The following ZNF536 variants were observed in gnomAD, a reference collection of about 807,000 sequenced individuals.
ZNF536 encodes zinc finger protein 536.
A neutral mutation model predicts 84.5 loss-of-function variants in ZNF536; 13 were observed. The observed-to-expected ratio is 0.15, with a 90% confidence interval of 0.10 to 0.24. The LOEUF (loss-of-function observed/expected upper bound fraction) is 0.24. Among genes scored for constraint, ZNF536 ranks in the 10% least tolerant of loss-of-function variants. The pLI is 1.00. For synonymous variants in ZNF536, 811 were observed against 742.5 expected, an observed-to-expected ratio of 1.09 and a Z score of -1.50; for missense variants, 1,536 against 1,747.5, an observed-to-expected ratio of 0.88 and a Z score of 2.16.
At chr19:30,332,321 C>A (rs2047237948) in intron 2 of ZNF536, among the ~76,000 whole-genome samples, 1 of 152,194 alleles carries the variant, frequency 6.6e-6, no homozygotes, top group South Asian at 2.1e-4. Flanking sequence ...TCCCAGAGAT[C>A]CTCACCTCTG....
At chr19:30,502,470 T>C (rs1313096885) in intron 2 of ZNF536, among the ~76,000 whole-genome samples, 3 of 152,056 alleles carry the variant, frequency 2.0e-5, no homozygotes, top group Non-Finnish European at 4.4e-5. Context: ...TCGAACTGTG[T>C]ATGTCCAGGA....
At chr19:30,394,376 G>T (rs992339590) in intron 1 of ZNF536, among the ~76,000 whole-genome samples, 1 of 152,000 alleles carries the variant, frequency 6.6e-6, no homozygotes, top group Non-Finnish European at 1.5e-5. Context: ...TGCATGTGTG[G>T]GTATGTAATT....
chr19:30,251,330 T>G (rs1456616431), intron 1 of ZNF536, among the ~76,000 whole-genome samples: 1 of 152,204 alleles, frequency 6.6e-6, no homozygotes, highest in East Asian at 1.9e-4. Context: ...GAACCTGAGA[T>G]GCACTCTCAA....
At chr19:30,691,981 C>G (rs1056571595) in intron 1 of ZNF536, among the ~76,000 whole-genome samples, 2 of 152,202 alleles carry the variant, frequency 1.3e-5, no homozygotes, top group Non-Finnish European at 2.9e-5. Flanking sequence ...CTCCAGAGAC[C>G]GGGGGTCTTT....
chr19:30,225,688 G>C (rs1334107922), upstream of ZNF536, among the ~76,000 whole-genome samples: 2 of 77,610 alleles, frequency 2.6e-5, no homozygotes, highest in Admixed American at 1.2e-4. Context: ...AAACAAAGGT[G>C]GGGGGGGGAT....
At chr19:30,325,874 G>A (rs2047006322) in intron 2 of ZNF536, among the ~76,000 whole-genome samples, 1 of 152,192 alleles carries the variant, frequency 6.6e-6, no homozygotes, top group South Asian at 2.1e-4. Context: ...CCTCCATGTG[G>A]CTGTGGGGGT....
At chr19:30,457,869 C>A (rs2052928623) in intron 2 of ZNF536, among the ~76,000 whole-genome samples, 1 of 152,188 alleles carries the variant, frequency 6.6e-6, no homozygotes, top group African/African-American at 2.4e-5. Context: ...GCTGCACCCC[C>A]AGTATGTCAG....
chr19:30,667,010 C>G lies in ZNF536; in HGVS notation c.170-43747C>G, dbSNP rs550289844. Reference sequence around the variant, plus strand: ...GGGAAGGTGCTGAGTATCGCCTGACCCTTGGGGCAGCTGTTCTCAGGCCTA... The same window carrying G: ...GGGAAGGTGCTGAGTATCGCCTGACGCTTGGGGCAGCTGTTCTCAGGCCTA... On this transcript the variant is annotated intron_variant, in intron 1 of 1. Transcript: ENST00000592773. Among the ~76,000 whole-genome samples, 5 of 152,138 alleles carry G rather than the reference C, an allele frequency of 3.3e-5. No homozygotes were observed. The South Asian group carries it at 1.0e-3, about 32-fold the overall frequency.
At chr19:30,653,635 G>C (rs963579093) in intron 1 of ZNF536, among the ~76,000 whole-genome samples, 2 of 152,072 alleles carry the variant, frequency 1.3e-5, no homozygotes, top group Non-Finnish European at 2.9e-5. Context: ...GAGGATGGAA[G>C]AGAGGTGGGA....
At chr19:30,447,992 T>C (rs149060590) in intron 2 of ZNF536, among the ~76,000 whole-genome samples, 34 of 152,338 alleles carry the variant, frequency 2.2e-4, no homozygotes, top group African/African-American at 7.2e-4. Context: ...CTCTGTTGCT[T>C]GCCTATCTCT....
chr19:30,263,581 C>T (rs1312929406), intron 1 of ZNF536, among the ~76,000 whole-genome samples: 2 of 152,152 alleles, frequency 1.3e-5, no homozygotes, highest in Admixed American at 6.5e-5. Flanking sequence ...CGCAACTCGG[C>T]GACTCCAATC....
chr19:30,497,107 G>A (rs1427323070), intron 2 of ZNF536, among the ~76,000 whole-genome samples: 1 of 152,232 alleles, frequency 6.6e-6, no homozygotes, highest in Non-Finnish European at 1.5e-5. Flanking sequence ...GTCTGCAGGT[G>A]CTGACACACA....
At chr19:30,630,798 C>T (rs924899191) in intron 1 of ZNF536, among the ~76,000 whole-genome samples, 3 of 152,134 alleles carry the variant, frequency 2.0e-5, no homozygotes, top group Non-Finnish European at 4.4e-5. Flanking sequence ...GCTGGTGCCA[C>T]GGGGAGGCTC....
At chr19:30,662,538 G>T (rs982632101) in intron 1 of ZNF536, among the ~76,000 whole-genome samples, 1 of 145,320 alleles carries the variant, frequency 6.9e-6, no homozygotes, top group Non-Finnish European at 1.5e-5. Context: ...TCCCGCAGAT[G>T]GGGGGGGATA....
At chr19:30,629,467 G>T (rs2048809157) in intron 1 of ZNF536, among the ~76,000 whole-genome samples, 1 of 152,150 alleles carries the variant, frequency 6.6e-6, no homozygotes, top group Non-Finnish European at 1.5e-5. Flanking sequence ...AATTGCTGGG[G>T]TTATAGGCAT....
In ZNF536 at chr19:30,355,047, T is replaced by C. The variant is rs568413328; in HGVS notation, c.-3+2563T>C. ...TTTTGGAGTCTTATGTATTAGGCCC[T>C]GTTTTTGATGCTGTAAAGAAATACC... On this transcript the variant is annotated intron_variant, in intron 3 of 5. Coordinates refer to the ZNF536 transcript ENST00000585628. Among the ~76,000 whole-genome samples, 16 of 152,344 alleles carry C rather than the reference T, an allele frequency of 1.1e-4. 1 individual carries two copies. In the East Asian group the frequency reaches 3.1e-3, roughly 29 times the overall value.
chr19:30,588,919 AGC>A (rs1568579872), intron 1 of ZNF536, among the ~76,000 whole-genome samples: 1 of 152,216 alleles, frequency 6.6e-6, no homozygotes, highest in Non-Finnish European at 1.5e-5. Flanking sequence ...GAATATGGCA[AGC>A]GTCATAGAAG....
intron 1 of ZNF536, among the ~76,000 whole-genome samples, chr19:30,253,119 C>A (rs974011697): frequency 1.3e-5 from 2 of 152,206 alleles, no homozygotes; most frequent in Admixed American, 6.5e-5. Flanking sequence ...TGGAAGCTCT[C>A]AGATTATCAG....
intron 1 of ZNF536, among the ~76,000 whole-genome samples, chr19:30,229,872 C>T (rs2022905450): frequency 6.6e-6 from 1 of 152,232 alleles, no homozygotes; most frequent in African/African-American, 2.4e-5. Flanking sequence ...GGGCCTCTGC[C>T]TGTGGACTTT....
Sources: allele counts gnomAD v4.1 joint callset (sites outside exome capture counted in the v4.1 genomes callset), GRCh38; gene constraint gnomAD v4.1.1; transcripts MANE v1.5; gene names NCBI Gene and HGNC (gene_info 2026-07-23, HGNC 2026-07-21).